Variants in KIAA1671 observed in about 807,000 individuals in gnomAD.
KIAA1671 encodes the protein KIAA1671.
Under a neutral mutation model 131.2 loss-of-function variants are expected in KIAA1671, and 52 were observed. The ratio of observed to expected loss-of-function variants is 0.40; its 90% CI spans 0.32 to 0.50. The LOEUF (loss-of-function observed/expected upper bound fraction) is 0.50, where lower values mean the gene tolerates loss of function less well. Among genes scored for constraint, KIAA1671 ranks in the 20% least tolerant of loss-of-function variants. The probability of loss-of-function intolerance (pLI) is 0.73; values close to 1 mark genes in which losing one functional copy is unlikely to be tolerated. For synonymous variants in KIAA1671, 1,003 were observed against 961.6 expected, an observed-to-expected ratio of 1.04 and a Z score of -0.80; for missense variants, 2,360 against 2,364.2, an observed-to-expected ratio of 1.00 and a Z score of 0.04.
At chr22:25,095,831 G>A (rs569977885) in intron 6 of KIAA1671, among the ~76,000 whole-genome samples, 23 of 152,148 alleles carry the variant, frequency 1.5e-4, no homozygotes, top group African/African-American at 2.7e-4. Flanking sequence ...TGACCTCACC[G>A]TTCTGGTTAG....
intron 6 of KIAA1671, among the ~76,000 whole-genome samples, chr22:25,095,891 G>A (rs915760700): frequency 2.0e-5 from 3 of 152,182 alleles, no homozygotes; most frequent in Non-Finnish European, 4.4e-5. Context: ...CTGTAGCCAA[G>A]ATAAAAAATT....
Position 25,039,465 on chromosome 22 carries a change from C to G in KIAA1671, c.2335C>G (p.Pro779Ala). The change falls in exon 5 of 13, where the codon CCT becomes GCT. Residue 779 changes from proline to alanine, a missense_variant. Physicochemically the swap from Pro to Ala is conservative, Grantham distance 27. Coordinates refer to ENST00000358431, the MANE Select transcript of KIAA1671 (RefSeq NM_001145206.2). ...KDRQLSQEVT[P>A]ADLECGLEGQ... ...CAGGCAGCTGTCCCAGGAGGTCACC[C>G]CTGCTGACCTGGAGTGTGGTTTGGA... The G allele has an allele frequency of 5.2e-6, 8 of 1,551,824 alleles. No homozygotes were observed. The highest frequency in any genetic ancestry group is 6.1e-6 in the Non-Finnish European group (7 of 1,147,024).
chr22:25,031,421 C>T (rs1010090707), intron 3 of KIAA1671, among the ~76,000 whole-genome samples: 6 of 152,190 alleles, frequency 3.9e-5, no homozygotes, highest in Non-Finnish European at 8.8e-5. Flanking sequence ...TGGTCTCGAT[C>T]TCCTGACCTC....
chr22:25,190,631 C>T, intron 11 of KIAA1671, 71 bp from the exon 12 acceptor site: 5 of 1,310,100 alleles, frequency 3.8e-6, no homozygotes, highest in Non-Finnish European at 5.4e-6. Flanking sequence ...CAGTCGGATA[C>T]CACTCAGTCC....
At chr22:25,093,776 C>CTG (rs1568951206) in intron 6 of KIAA1671, among the ~76,000 whole-genome samples, 2 of 109,588 alleles carry the variant, frequency 1.8e-5, no homozygotes, top group Admixed American at 9.2e-5. Context: ...CTGTCTCTCT[C>CTG]TCTCTCTCTC....
At chr22:24,971,577 T>C (rs1428786518) in intron 1 of KIAA1671, among the ~76,000 whole-genome samples, 1 of 152,216 alleles carries the variant, frequency 6.6e-6, no homozygotes, top group South Asian at 2.1e-4. Flanking sequence ...GGATGGCTGC[T>C]AAATCTTGGG....
intron 1 of KIAA1671, among the ~76,000 whole-genome samples, chr22:24,953,676 C>T (rs1921542774): frequency 6.6e-6 from 1 of 151,976 alleles, no homozygotes; most frequent in South Asian, 2.1e-4. Flanking sequence ...GACCTTTTCA[C>T]ACCCTGCTGG....
At chr22:25,050,112 A>G (rs1466565576) in intron 6 of KIAA1671, 1 of 152,208 alleles carries the variant, frequency 6.6e-6, no homozygotes, top group Admixed American at 6.5e-5. Flanking sequence ...TACTGGTACG[A>G]CTGTCCTTGT....
chr22:25,017,361 C>T lies in KIAA1671; in HGVS notation c.-207-8272C>T, dbSNP rs1332444469. On this transcript the variant is annotated intron_variant, in intron 1 of 12. Transcript: ENST00000358431. ...TTGCGCCACTGCACTCCAGCCTGGG[C>T]GACAGAGCAAGACTCCATCTCAAAC... Among the ~76,000 whole-genome samples the T allele has an allele frequency of 5.9e-5, 9 of 152,004 alleles. No homozygotes were observed. The East Asian group carries it at 9.7e-4, about 16-fold the overall frequency.
In KIAA1671 at chr22:25,135,290, A is replaced by T. The variant is rs113602418; in HGVS notation, c.4531-35530A>T. Among the ~76,000 whole-genome samples the T allele has an allele frequency of 1.4e-3, 213 of 152,290 alleles. 1 individual carries two copies. Among genetic ancestry groups the T allele is most frequent in the African/African-American group, 4.6e-3 (193 of 41,558 alleles). ...AAGCTCCGCCTCCTGGGTTCACACC[A>T]TTCTCCTGCCTCAGCCTCCCGAGTA... On this transcript the variant is annotated intron_variant, in intron 6 of 12. Transcript: ENST00000358431.
intron 6 of KIAA1671, among the ~76,000 whole-genome samples, chr22:25,158,798 A>G (rs928862034): frequency 2.6e-5 from 4 of 152,194 alleles, no homozygotes; most frequent in East Asian, 3.9e-4. Flanking sequence ...GGAGGACTAA[A>G]TGTCACGGCC....
intron 5 of KIAA1671, among the ~76,000 whole-genome samples, chr22:25,048,150 C>A (rs1315018659): frequency 6.6e-6 from 1 of 152,120 alleles, no homozygotes; most frequent in Non-Finnish European, 1.5e-5. Context: ...GTGGGAGGAG[C>A]AACTGTGGAG....
intron 1 of KIAA1671, among the ~76,000 whole-genome samples, chr22:25,005,610 C>T (rs910482383): frequency 6.6e-6 from 1 of 152,168 alleles, no homozygotes; most frequent in Non-Finnish European, 1.5e-5. Flanking sequence ...AACCCAAGAC[C>T]TCTACTTTAC....
At chr22:25,000,210 T>A (rs1924376808) in intron 1 of KIAA1671, among the ~76,000 whole-genome samples, 2 of 73,054 alleles carry the variant, frequency 2.7e-5, no homozygotes, top group Non-Finnish European at 6.1e-5. Flanking sequence ...TTTTTTTTTT[T>A]TGAGACGGAG....
intron 1 of KIAA1671, among the ~76,000 whole-genome samples, chr22:25,004,252 T>C (rs1205209805): frequency 6.6e-6 from 1 of 151,628 alleles, no homozygotes; most frequent in Non-Finnish European, 1.5e-5. Flanking sequence ...AGTAGCTGGG[T>C]CTACAGGTAC....
At position 25,040,399 on chromosome 22, in the gene KIAA1671, A is replaced by AG; in HGVS notation, c.3272dup (p.Arg1092ThrfsTer4). ...ATGGCAGGCAGTAAAAACTGGATGA[A>AG]GGGACGAGAGCATGAAAATGCAAGC... On this transcript the variant is annotated frameshift_variant, in exon 5 of 13. Transcript: ENST00000358431. LOFTEE classifies it high-confidence loss of function. 6.4e-7 allele frequency: 1 copy of AG among 1,551,998 alleles called. No individual in the cohort carries two copies. The highest frequency in any genetic ancestry group is 2.0e-5 in the Admixed American group (1 of 51,010).
rs544502481 is a variant in KIAA1671, at chr22:25,195,498, G to A, written c.*3097G>A. 3.5e-4 allele frequency: 53 copies of A among 152,254 alleles called. No individual in the cohort carries two copies. Among genetic ancestry groups the A allele is most frequent in the African/African-American group, 1.3e-3 (53 of 41,540 alleles). The allele number at this position is 152,254 out of a possible 1,614,324, so 9.4% of individuals were successfully genotyped here. ...CAATCAGATGGCGGTGTTTTCCAGG[G>A]GGACGCGCCAAATCATGTGGTTTCA... is the stretch of plus-strand genomic sequence containing the variant. On this transcript the variant is annotated 3_prime_UTR_variant, in exon 13 of 13. Coordinates refer to ENST00000358431, the MANE Select transcript of KIAA1671 (RefSeq NM_001145206.2).
chr22:25,005,967 T>G lies in KIAA1671; in HGVS notation c.-207-19666T>G, dbSNP rs184740860. 8.6e-3 allele frequency among the ~76,000 whole-genome samples: 1,309 copies of G among 152,326 alleles called. 11 individuals carry two copies. Among genetic ancestry groups the G allele is most frequent in the Middle Eastern group, 0.068 (20 of 294 alleles). On this transcript the variant is annotated intron_variant, in intron 1 of 12. Transcript: ENST00000358431. ...CTCCAACAGCATACCTAGCATCGTG[T>G]GCCTGTGGAGTGCTTGAAATGACAC...
At position 25,102,940 on chromosome 22, in the gene KIAA1671, GT is replaced by G. The variant is rs557255882; in HGVS notation, c.4530+53578del. Reference sequence around the variant, plus strand: ...CCACCTGAAAGAGAGAAAAAAGTAGGTTGAAGCTGAGTTCATGAGCCAGCCC... The same window carrying G: ...CCACCTGAAAGAGAGAAAAAAGTAGGTGAAGCTGAGTTCATGAGCCAGCCC... On this transcript the variant is annotated intron_variant, in intron 6 of 12. Coordinates refer to ENST00000358431, the MANE Select transcript of KIAA1671 (RefSeq NM_001145206.2). The G allele has an allele frequency of 2.1e-3, 325 of 152,764 alleles. 1 individual carries two copies. Among genetic ancestry groups the G allele is most frequent in the Non-Finnish European group, 3.0e-3 (201 of 68,044 alleles). 9.5% of individuals were successfully genotyped at this position (152,764 alleles called of 1,614,324 possible). A position where few individuals can be genotyped will look rare whatever the true frequency, so the allele number is the denominator to read the frequency against.
Sources: gnomAD v4.1 joint callset for allele counts (sites outside exome capture counted in the v4.1 genomes callset) on GRCh38, gnomAD v4.1.1 for gene constraint, MANE v1.5 for transcripts, NCBI Gene and HGNC (gene_info 2026-07-23, HGNC 2026-07-21) for gene names.